Variants in IGSF21 observed in about 807,000 individuals in gnomAD.
IGSF21 encodes immunoglobulin superfamily member 21.
A neutral mutation model predicts 46.8 loss-of-function variants in IGSF21; 28 were observed. The ratio of observed to expected loss-of-function variants is 0.60; its 90% confidence interval spans 0.44 to 0.82. The LOEUF is 0.82. Among genes scored for constraint, IGSF21 ranks in the 40% least tolerant of loss-of-function variants. The probability of loss-of-function intolerance (pLI) is 0.00; values close to 1 mark genes in which losing one functional copy is unlikely to be tolerated. For missense variants in IGSF21, 624 were observed against 665.5 expected, an observed-to-expected ratio of 0.94 and a Z score of 0.69; for synonymous variants, 284 against 273.6, an observed-to-expected ratio of 1.04 and a Z score of -0.38.
At chr1:18,367,406 G>C (rs1319344064) in intron 6 of IGSF21, among the ~76,000 whole-genome samples, 1 of 152,020 alleles carries the variant, frequency 6.6e-6, no homozygotes, top group Non-Finnish European at 1.5e-5. Flanking sequence ...GGCTCAAGTT[G>C]GTAGAGTACT....
chr1:18,261,999 C>T (rs929330189), intron 2 of IGSF21, among the ~76,000 whole-genome samples: 2 of 152,196 alleles, frequency 1.3e-5, no homozygotes, highest in African/African-American at 4.8e-5. Context: ...GTTGCTAAAT[C>T]TCCAATGTGT....
intron 1 of IGSF21, chr1:18,110,625 A>G: frequency 6.6e-6 from 1 of 152,410 alleles, no homozygotes; most frequent in Non-Finnish European, 1.5e-5. Context: ...TGGCAGGAGG[A>G]AGGAGGCCGC....
At chr1:18,349,211 G>A (rs1306440511) in intron 4 of IGSF21, among the ~76,000 whole-genome samples, 1 of 152,182 alleles carries the variant, frequency 6.6e-6, no homozygotes, top group Non-Finnish European at 1.5e-5. Flanking sequence ...ACCAAATGGA[G>A]TGTCCAAGCC....
intron 1 of IGSF21, among the ~76,000 whole-genome samples, chr1:18,131,724 G>A (rs888893246): frequency 6.6e-6 from 1 of 152,176 alleles, no homozygotes; most frequent in African/African-American, 2.4e-5. Flanking sequence ...GCCTCCTTCT[G>A]TCTTGTGGCT....
At chr1:18,301,267 G>A (rs575607498) in intron 3 of IGSF21, among the ~76,000 whole-genome samples, 2 of 152,328 alleles carry the variant, frequency 1.3e-5, no homozygotes, top group African/African-American at 4.8e-5. Flanking sequence ...TCCACTTGTG[G>A]GGCCCCTGGG....
chr1:18,349,339 C>T (rs2085926271), intron 4 of IGSF21, among the ~76,000 whole-genome samples: 1 of 151,964 alleles, frequency 6.6e-6, no homozygotes, highest in Non-Finnish European at 1.5e-5. Context: ...TCCAGAATTC[C>T]AGCAGAAGAA....
rs2085749114 is a variant in IGSF21 at position 18,334,766 on chromosome 1, C to A, written c.306-126C>A. The A allele has an allele frequency of 4.2e-6, 3 of 721,958 alleles. No individual in the cohort carries two copies. The Admixed American group carries it at 5.7e-5, about 14-fold the overall frequency. The allele number at this position is 721,958 out of a possible 1,614,324, so 44.7% of individuals were successfully genotyped here. A position where few individuals can be genotyped will look rare whatever the true frequency, so the allele number is the denominator to read the frequency against. On this transcript the variant is annotated intron_variant, in intron 3 of 9. Transcript: ENST00000251296. This position sits in a 1 kb window ranked among gnomAD's most constrained non-coding sequence, Gnocchi z 4.3. ...TCCATAAATGCTCCCCTCCTCCCAGCCCAGCACACAGGCCTGTGTTTGTTA... is the reference window on the plus strand; with the variant it reads ...TCCATAAATGCTCCCCTCCTCCCAGACCAGCACACAGGCCTGTGTTTGTTA...
chr1:18,186,724 C>A (rs2086906345), intron 1 of IGSF21, among the ~76,000 whole-genome samples: 1 of 152,102 alleles, frequency 6.6e-6, no homozygotes, highest in African/African-American at 2.4e-5. Flanking sequence ...CTGTTTTTAC[C>A]TTATTTTGCA....
chr1:18,242,227 T>C (rs2084737857), intron 2 of IGSF21, among the ~76,000 whole-genome samples: 1 of 152,208 alleles, frequency 6.6e-6, no homozygotes, highest in South Asian at 2.1e-4. Flanking sequence ...GTTCACCTAC[T>C]CTCAGCACGG....
intron 2 of IGSF21, among the ~76,000 whole-genome samples, chr1:18,281,701 C>A (rs1007237364): frequency 2.2e-4 from 34 of 152,222 alleles, no homozygotes; most frequent in African/African-American, 7.7e-4. Context: ...AGCCCCCGAG[C>A]CCCTCTCTTT....
rs534230069 is a variant in IGSF21 at position 18,304,414 on chromosome 1, C to T, written c.305+12427C>T. On this transcript the variant is annotated intron_variant, in intron 3 of 9. Coordinates refer to ENST00000251296, the MANE Select transcript of IGSF21 (RefSeq NM_032880.5). ...TTAAAGCCACCATCCCCTCCAGACTCGGGACAGATCTGCTGGCAGCCTTCA... is the reference window on the plus strand; with the variant it reads ...TTAAAGCCACCATCCCCTCCAGACTTGGGACAGATCTGCTGGCAGCCTTCA... Among the ~76,000 whole-genome samples the T allele has an allele frequency of 7.9e-5, 12 of 152,304 alleles. No individual in the cohort carries two copies. In the South Asian group the frequency reaches 8.3e-4, roughly 11 times the overall value.
At chr1:18,291,190 C>T (rs1480478357) in intron 2 of IGSF21, among the ~76,000 whole-genome samples, 1 of 152,194 alleles carries the variant, frequency 6.6e-6, no homozygotes, top group Non-Finnish European at 1.5e-5. Context: ...GCCCGGCAGC[C>T]TTGGGCTTCC....
intron 2 of IGSF21, among the ~76,000 whole-genome samples, chr1:18,289,528 T>TA (rs1330724893): frequency 6.6e-6 from 1 of 152,248 alleles, no homozygotes; most frequent in Non-Finnish European, 1.5e-5. Flanking sequence ...TCAGTTTCTT[T>TA]ACCTGCAAAA....
intron 2 of IGSF21, among the ~76,000 whole-genome samples, chr1:18,276,032 A>G (rs2085099979): frequency 6.6e-6 from 1 of 152,132 alleles, no homozygotes; most frequent in Non-Finnish European, 1.5e-5. Context: ...CTTATTTATG[A>G]TCTTTTCAAG....
rs2084691972 is a variant in IGSF21, at chr1:18,238,298, G to GCT, written c.183+10288_183+10289insCT. Among the ~76,000 whole-genome samples the GCT allele has an allele frequency of 2.6e-5, 4 of 152,334 alleles. No individual in the cohort carries two copies. In the South Asian group the frequency reaches 8.3e-4, roughly 32 times the overall value. ...GGTCCACGAGCTTCCAAGGAGTGCA[G>GCT]TGGGGAATGGGGGTGAGAGGTGAGG... On this transcript the variant is annotated intron_variant, in intron 2 of 9. Transcript: ENST00000251296.
At chr1:18,275,436 C>A (rs554102046) in intron 2 of IGSF21, among the ~76,000 whole-genome samples, 1 of 152,182 alleles carries the variant, frequency 6.6e-6, no homozygotes, top group Admixed American at 6.5e-5. Context: ...TGATGAGAAG[C>A]AGAGGTGGGC....
intron 1 of IGSF21, among the ~76,000 whole-genome samples, chr1:18,197,984 G>A (rs1303629351): frequency 2.6e-5 from 4 of 152,154 alleles, no homozygotes; most frequent in African/African-American, 4.8e-5. Context: ...TCTGTGTAGA[G>A]GGGATGGGGA....
chr1:18,175,421 C>T (rs991269990), intron 1 of IGSF21, among the ~76,000 whole-genome samples: 2 of 152,122 alleles, frequency 1.3e-5, no homozygotes, highest in Non-Finnish European at 2.9e-5. Context: ...CCGCAGACAG[C>T]CGGGAGGAAA....
At chr1:18,245,126 T>G (rs1352462232) in intron 2 of IGSF21, among the ~76,000 whole-genome samples, 1 of 152,248 alleles carries the variant, frequency 6.6e-6, no homozygotes. Context: ...GTCTTATTCC[T>G]AGTTTTCATA....
Sources: gnomAD v4.1 joint callset for allele counts (sites outside exome capture counted in the v4.1 genomes callset) on GRCh38, gnomAD v4.1.1 for gene constraint, Gnocchi (gnomAD v3.1) non-coding constraint, MANE v1.5 for transcripts, NCBI Gene and HGNC (gene_info 2026-07-23, HGNC 2026-07-21) for gene names.